The following FAM163A variants were observed in gnomAD, a reference collection of about 807,000 sequenced individuals.
FAM163A encodes the protein protein FAM163A.
FAM163A carries 7 observed loss-of-function variants against 12.0 expected under a neutral mutation model. That is an observed-to-expected ratio of 0.58 (90% CI 0.33 to 1.10). The LOEUF (loss-of-function observed/expected upper bound fraction) is 1.10. FAM163A is among the 50% of genes least tolerant of loss of function. The pLI, the probability that FAM163A is intolerant of heterozygous loss-of-function variation, is 0.03. For missense variants in FAM163A, 202 were observed against 218.6 expected (o/e 0.92, Z 0.48); for synonymous variants, 101 against 91.0 (o/e 1.11, Z -0.62).
chr1:179,813,859 A>T lies in FAM163A; in HGVS notation c.174A>T (p.Arg58Ser), dbSNP rs960915962. ...AGCACGACCTTCCCACGCATCCCAGAGGCCCCACCTGCAATGCCTGCAGCT... is the reference window on the plus strand; with the variant it reads ...AGCACGACCTTCCCACGCATCCCAGTGGCCCCACCTGCAATGCCTGCAGCT... Reference protein sequence around the residue: ...EREHDLPTHPRGPTCNACSSQ... With the variant: ...EREHDLPTHPSGPTCNACSSQ... Residue 58 changes from arginine to serine, a missense_variant, in exon 5 of 5, where the codon AGA becomes AGT. Physicochemically the swap from Arg to Ser is moderately radical, Grantham distance 110 (BLOSUM62 -1). Coordinates refer to ENST00000341785, the MANE Select transcript of FAM163A (RefSeq NM_173509.3). 5 of 1,613,948 alleles carry T rather than the reference A, an allele frequency of 3.1e-6. No individual in the cohort carries two copies. The highest frequency in any genetic ancestry group is 1.7e-5 in the Admixed American group (1 of 60,016).
chr1:179,794,518 T>C (rs1024951189), intron 1 of FAM163A, among the ~76,000 whole-genome samples: 13 of 152,204 alleles, frequency 8.5e-5, no homozygotes, highest in African/African-American at 2.9e-4. Flanking sequence ...ATGCGGTGGA[T>C]AGACACACTT....
In FAM163A at chr1:179,782,644, G is replaced by A. The variant is rs536809025; in HGVS notation, c.-135-25154G>A. Among the ~76,000 whole-genome samples, 7 of 152,246 alleles carry A rather than the reference G, an allele frequency of 4.6e-5. No individual in the cohort carries two copies. In the South Asian group the frequency reaches 1.5e-3, roughly 32 times the overall value. On this transcript the variant is annotated intron_variant, in intron 1 of 4. Coordinates refer to ENST00000341785, the MANE Select transcript of FAM163A (RefSeq NM_173509.3). ...CTGCTGCCATCTCCTTCCCTTTCTA[G>A]AACCCAAAGTTCTAAGCCACCCTGC...
intron 1 of FAM163A, among the ~76,000 whole-genome samples, chr1:179,744,007 G>T (rs1684054919): frequency 6.6e-6 from 1 of 152,206 alleles, no homozygotes. Flanking sequence ...CCGGATTCGT[G>T]CCGGCAACTG....
chr1:179,736,461 C>T, the FAM163A span, among the ~76,000 whole-genome samples: 1 of 152,094 alleles, frequency 6.6e-6, no homozygotes, highest in African/African-American at 2.4e-5. Context: ...AAATGCAAAT[C>T]AGAACTATAT....
intron 1 of FAM163A, among the ~76,000 whole-genome samples, chr1:179,746,166 G>A (rs78709422): frequency 0.01 from 1,570 of 152,316 alleles, 21 homozygotes; most frequent in African/African-American, 0.036. Flanking sequence ...TGCTGGGAGA[G>A]TAAATTGGTA....
chr1:179,759,273 T>G (rs1265198118), intron 1 of FAM163A, among the ~76,000 whole-genome samples: 1 of 152,158 alleles, frequency 6.6e-6, no homozygotes, highest in Admixed American at 6.5e-5. Context: ...TGTGCCCTTA[T>G]GGGGGCAAAA....
At chr1:179,745,679 G>C (rs922183894) in intron 1 of FAM163A, among the ~76,000 whole-genome samples, 1 of 152,186 alleles carries the variant, frequency 6.6e-6, no homozygotes, top group Non-Finnish European at 1.5e-5. Context: ...CATTTATTAA[G>C]TACCTGCTAT....
At chr1:179,735,795 C>T in the FAM163A span, among the ~76,000 whole-genome samples, 3 of 151,942 alleles carry the variant, frequency 2.0e-5, no homozygotes, top group African/African-American at 7.2e-5. Context: ...GAGCCACCGC[C>T]CCCAGCCGAA....
At chr1:179,787,367 G>C (rs1025846503) in intron 1 of FAM163A, among the ~76,000 whole-genome samples, 1 of 152,174 alleles carries the variant, frequency 6.6e-6, no homozygotes, top group African/African-American at 2.4e-5. Flanking sequence ...CATTCAGCTG[G>C]TGTTTATAGA....
the FAM163A span, among the ~76,000 whole-genome samples, chr1:179,735,976 T>G: frequency 6.6e-6 from 1 of 152,208 alleles, no homozygotes; most frequent in Non-Finnish European, 1.5e-5. Context: ...GATAGCCACA[T>G]GTAAAATAAT....
intron 1 of FAM163A, among the ~76,000 whole-genome samples, chr1:179,753,312 G>A (rs992750157): frequency 6.6e-6 from 1 of 152,178 alleles, no homozygotes; most frequent in Non-Finnish European, 1.5e-5. Context: ...CTAGGGAGAA[G>A]GGGGAGTTGG....
chr1:179,733,784 G>A, the FAM163A span, among the ~76,000 whole-genome samples: 1 of 152,188 alleles, frequency 6.6e-6, no homozygotes, highest in African/African-American at 2.4e-5. Context: ...AATGCATGCT[G>A]TTAGTAGAGA....
At chr1:179,734,948 C>T in the FAM163A span, among the ~76,000 whole-genome samples, 499 of 152,244 alleles carry the variant, frequency 3.3e-3, 5 homozygotes, top group African/African-American at 0.011. Context: ...TTAGGCCATT[C>T]CTGTTATGTG....
At chr1:179,732,695 A>T in the FAM163A span, among the ~76,000 whole-genome samples, 15 of 151,910 alleles carry the variant, frequency 9.9e-5, no homozygotes, top group Non-Finnish European at 1.9e-4. Flanking sequence ...AACCTGGGCA[A>T]CATGGCGAAA....
At chr1:179,754,461 C>G (rs2148005343) in intron 1 of FAM163A, among the ~76,000 whole-genome samples, 1 of 152,120 alleles carries the variant, frequency 6.6e-6, no homozygotes, top group African/African-American at 2.4e-5. Context: ...ATAAATGTTG[C>G]AATGGCTGTA....
At chr1:179,773,203 G>T (rs540403901) in intron 1 of FAM163A, among the ~76,000 whole-genome samples, 1 of 152,054 alleles carries the variant, frequency 6.6e-6, no homozygotes, top group African/African-American at 2.4e-5. Context: ...AGTTGTCAGG[G>T]GGTGGGTAGA....
At chr1:179,812,474 G>T (rs1694824297) in intron 3 of FAM163A, among the ~76,000 whole-genome samples, 1 of 152,166 alleles carries the variant, frequency 6.6e-6, no homozygotes, top group Non-Finnish European at 1.5e-5. Flanking sequence ...AGCCAGAGAA[G>T]AGCCACCTGG....
At chr1:179,747,245 G>A (rs973045856) in intron 1 of FAM163A, among the ~76,000 whole-genome samples, 4 of 151,576 alleles carry the variant, frequency 2.6e-5, no homozygotes, top group African/African-American at 9.7e-5. Context: ...GATTATTGGC[G>A]CAGTTGTCAC....
At chr1:179,731,139 T>C in the FAM163A span, among the ~76,000 whole-genome samples, 1 of 152,254 alleles carries the variant, frequency 6.6e-6, no homozygotes, top group Non-Finnish European at 1.5e-5. Flanking sequence ...AAAAGGTTAA[T>C]TGTGCTTTCT....
Sources: gnomAD v4.1 joint callset for allele counts (sites outside exome capture counted in the v4.1 genomes callset) on GRCh38, gnomAD v4.1.1 for gene constraint, MANE v1.5 for transcripts, NCBI Gene and HGNC (gene_info 2026-07-23, HGNC 2026-07-21) for gene names.